TRIP6: variants seen among roughly 807,000 people sequenced by gnomAD.
TRIP6 encodes the protein thyroid receptor-interacting protein 6.
TRIP6 carries 33 observed loss-of-function variants against 51.9 expected under a neutral mutation model. That is an observed-to-expected ratio of 0.64 (90% CI 0.48 to 0.85). The LOEUF (loss-of-function observed/expected upper bound fraction) is 0.85. Among genes scored for constraint, TRIP6 ranks in the 40% least tolerant of loss-of-function variants. TRIP6 has a pLI of 0.00. For synonymous variants in TRIP6, 255 were observed against 275.8 expected (o/e 0.92, Z 0.75); for missense variants, 661 against 652.1 (o/e 1.01, Z -0.15).
chr7:100,867,548 C>T lies in TRIP6; in HGVS notation c.51C>T (p.Ala17=), dbSNP rs1030083169. 3 of 1,535,640 alleles carry T rather than the reference C, an allele frequency of 2.0e-6. No homozygotes were observed. Among genetic ancestry groups the T allele is most frequent in the East Asian group, 2.5e-5 (1 of 40,232 alleles). ...LPPKQPEPAR[A]PQGRAIPRGT... ...CGAAGCAGCCGGAGCCCGCCAGAGC[C>T]CCTCAGGGGAGGGCGATCCCCCGCG... The change falls in exon 1 of 9, where the codon GCC becomes GCT. Residue 17 remains alanine, a synonymous_variant. Transcript: ENST00000200457. The surrounding 1 kb of genome is among the most constrained non-coding windows in gnomAD (Gnocchi z 5.4).
In TRIP6 at chr7:100,867,442, G is replaced by A. The variant is rs1815161717; in HGVS notation, c.-56G>A. Reference sequence around the variant, plus strand: ...CGAGGTGCGGGACGGAAGAGGGGGTGAAGGCCAGAGGCTCGGGGCTTCAAG... The same window carrying A: ...CGAGGTGCGGGACGGAAGAGGGGGTAAAGGCCAGAGGCTCGGGGCTTCAAG... On this transcript the variant is annotated 5_prime_UTR_variant, in exon 1 of 9. Transcript: ENST00000200457. This position sits in a 1 kb window ranked among gnomAD's most constrained non-coding sequence, Gnocchi z 5.4. The A allele has an allele frequency of 1.6e-6, 2 of 1,283,818 alleles. No homozygotes were observed. Among genetic ancestry groups the A allele is most frequent in the East Asian group, 3.1e-5 (1 of 32,680 alleles). 79.5% of individuals were successfully genotyped at this position (1,283,818 alleles called of 1,614,324 possible). A position where few individuals can be genotyped will look rare whatever the true frequency, so the allele number is the denominator to read the frequency against.
rs139351872 is a variant in TRIP6, at chr7:100,868,125, G to A, written c.255G>A (p.Arg85=). The A allele has an allele frequency of 7.8e-5, 126 of 1,612,458 alleles. No individual in the cohort carries two copies. The highest frequency in any genetic ancestry group is 1.0e-4 in the Non-Finnish European group (119 of 1,179,604). ...LQHTQGLPAD[R]GGLRPGSLDA... Reference sequence around the variant, plus strand: ...ATCCTCAGGGGCTCCCTGCAGACAGGGGGGGCCTTCGCCCTGGAAGCCTGG... The same window carrying A: ...ATCCTCAGGGGCTCCCTGCAGACAGAGGGGGCCTTCGCCCTGGAAGCCTGG... Residue 85 remains arginine (R), a synonymous_variant, in exon 3 of 9, where the codon AGG becomes AGA. Coordinates refer to ENST00000200457, the MANE Select transcript of TRIP6 (RefSeq NM_003302.3).
chr7:100,870,521 G>C (rs1393553252), intron 5 of TRIP6, 53 bp from the exon 6 acceptor site: 10 of 1,606,854 alleles, frequency 6.2e-6, no homozygotes, highest in Non-Finnish European at 6.8e-6. Flanking sequence ...AGACAGAGGG[G>C]ACAGTGGCTT....
At chr7:100,872,945 G>A in intron 8 of TRIP6, 1 of 1,088,722 alleles carries the variant, frequency 9.2e-7, no homozygotes, top group Non-Finnish European at 1.3e-6. Context: ...CCACCTCCCG[G>A]GTTCAAGTGA....
intron 3 of TRIP6, 101 bp from the exon 4 acceptor site, chr7:100,868,394 T>C: frequency 6.3e-7 from 1 of 1,590,374 alleles, no homozygotes; most frequent in Non-Finnish European, 8.6e-7. Flanking sequence ...CCTTGTCAAA[T>C]GCAAAAAGCC....
chr7:100,871,027 T>G (rs771727394), intron 6 of TRIP6: 1 of 620,392 alleles, frequency 1.6e-6, no homozygotes, highest in South Asian at 1.5e-5. Context: ...TACTACTGAT[T>G]CCTGGTTTTG....
chr7:100,868,558 C>T lies in TRIP6; in HGVS notation c.427C>T (p.Pro143Ser). The T allele has an allele frequency of 1.2e-6, 2 of 1,613,102 alleles. No individual in the cohort carries two copies. The highest frequency in any genetic ancestry group is 1.7e-6 in the Non-Finnish European group (2 of 1,180,028). ...CTCCCTGAAGCCAAATCCAGCCTCG[C>T]CGCTCCCAGCGTCTCCCTATGGGGG... ...TGSLKPNPAS[P>S]LPASPYGGPT... The change falls in exon 4 of 9, where the codon CCG becomes TCG. Residue 143 changes from proline (P) to serine (S), a missense_variant. Physicochemically the swap from Pro to Ser is moderately conservative, Grantham distance 74. Transcript: ENST00000200457.
At chr7:100,869,593 C>T (rs1206963247) in intron 4 of TRIP6, among the ~76,000 whole-genome samples, 1 of 143,258 alleles carries the variant, frequency 7.0e-6, no homozygotes, top group Non-Finnish European at 1.5e-5. Context: ...GATCGCACCA[C>T]TGCTCTCCAA....
At position 100,867,828 on chromosome 7, in the gene TRIP6, AC is replaced by A. The variant is rs1349248653; in HGVS notation, c.110-29del. On this transcript the variant is annotated intron_variant, in intron 1 of 8. Transcript: ENST00000200457. This position sits in a 1 kb window ranked among gnomAD's most constrained non-coding sequence, Gnocchi z 5.4. The stretch of plus-strand genomic sequence containing the variant: ...ATATACACCCCTCCTGTCCTCCGCC[AC>A]CCCACCTTTGATTTCTCTTCCCTCA... 6.5e-7 allele frequency: 1 copy of A among 1,531,806 alleles called. No individual in the cohort carries two copies. Among genetic ancestry groups the A allele is most frequent in the East Asian group, 2.3e-5 (1 of 42,588 alleles). The allele number at this position is 1,531,806 out of a possible 1,614,324, so 94.9% of individuals were successfully genotyped here. A position where few individuals can be genotyped will look rare whatever the true frequency, so the allele number is the denominator to read the frequency against.
In TRIP6 at chr7:100,868,184, C is replaced by T; in HGVS notation, c.314C>T (p.Ala105Val). Reference protein sequence around the residue: ...AEIDLLSSTLAELNGGRGHAS... With the variant: ...AEIDLLSSTLVELNGGRGHAS... ...ATAGACTTGCTGAGCAGCACGCTGGCCGAGCTGAATGGGGGTCGGGGTCAT... is the reference window on the plus strand; with the variant it reads ...ATAGACTTGCTGAGCAGCACGCTGGTCGAGCTGAATGGGGGTCGGGGTCAT... The change falls in exon 3 of 9, where the codon GCC (alanine) becomes GTC (valine). Residue 105 changes from alanine to valine, a missense_variant. Transcript: ENST00000200457. The T allele has an allele frequency of 6.2e-7, 1 of 1,609,520 alleles. No homozygotes were observed. Among genetic ancestry groups the T allele is most frequent in the South Asian group, 1.1e-5 (1 of 90,706 alleles).
intron 4 of TRIP6, among the ~76,000 whole-genome samples, chr7:100,869,919 TTGTTTCGG>T (rs759124931): frequency 2.5e-4 from 38 of 151,742 alleles, no homozygotes; most frequent in Non-Finnish European, 5.0e-4. Flanking sequence ...GTATATATAA[TTGTTTCGG>T]TATATATTAC....
At position 100,868,554 on chromosome 7, in the gene TRIP6, C is replaced by T. The variant is rs778998019; in HGVS notation, c.423C>T (p.Ala141=). 3.1e-6 allele frequency: 5 copies of T among 1,612,996 alleles called. No individual in the cohort carries two copies. In the Admixed American group the frequency reaches 8.3e-5, roughly 27 times the overall value. The change falls in exon 4 of 9, where the codon GCC becomes GCT. Residue 141 remains alanine (A), a synonymous_variant. Coordinates refer to ENST00000200457, the MANE Select transcript of TRIP6 (RefSeq NM_003302.3). ...CGGGCTCCCTGAAGCCAAATCCAGC[C>T]TCGCCGCTCCCAGCGTCTCCCTATG... ...YRTGSLKPNP[A]SPLPASPYGG...
chr7:100,868,165 T>G lies in TRIP6; in HGVS notation c.295T>G (p.Leu99Val). The change falls in exon 3 of 9, where the codon TTG (leucine) becomes GTG (valine). Residue 99 changes from leucine (L) to valine (V), a missense_variant. Transcript: ENST00000200457. ...TGGAAGCCTGGACGCCGAGATAGAC[T>G]TGCTGAGCAGCACGCTGGCCGAGCT... ...RPGSLDAEID[L>V]LSSTLAELNG... 1 of 1,611,074 alleles carries G rather than the reference T, an allele frequency of 6.2e-7. No individual in the cohort carries two copies. Among genetic ancestry groups the G allele is most frequent in the South Asian group, 1.1e-5 (1 of 90,854 alleles).
intron 3 of TRIP6, 74 bp downstream of exon 3, chr7:100,868,307 C>A: frequency 6.4e-7 from 1 of 1,573,222 alleles, no homozygotes; most frequent in South Asian, 1.1e-5. Flanking sequence ...GATCGATCCC[C>A]CATGTGTGTA....
intron 8 of TRIP6, 44 bp from the exon 9 acceptor site, chr7:100,873,128 C>A (rs368494717): frequency 3.8e-5 from 60 of 1,594,326 alleles, no homozygotes; most frequent in Non-Finnish European, 5.1e-5. Context: ...GGATTACAGG[C>A]GTGAGCCATC....
chr7:100,870,999 C>T (rs1050910803), intron 6 of TRIP6: 2 of 663,990 alleles, frequency 3.0e-6, no homozygotes, highest in East Asian at 3.0e-5. Flanking sequence ...TCCCATGACA[C>T]CCCTGTGAGG....
chr7:100,873,242 G>T lies in TRIP6; in HGVS notation c.1370G>T (p.Cys457Phe). The change falls in exon 9 of 9, where the codon TGC (cysteine) becomes TTC (phenylalanine). Residue 457 changes from cysteine (C) to phenylalanine (F), a missense_variant. By Grantham distance (205) the Cys-to-Phe change is radical. Transcript: ENST00000200457. Reference sequence around the variant, plus strand: ...TACCCGCTGGATGGGCACATCTTGTGCAAGGCCTGCAGCGCCTGGCGCATC... The same window carrying T: ...TACCCGCTGGATGGGCACATCTTGTTCAAGGCCTGCAGCGCCTGGCGCATC... The part of the protein sequence containing the change: ...GCYPLDGHIL[C>F]KACSAWRIQE... 6.2e-7 allele frequency: 1 copy of T among 1,613,744 alleles called. No homozygotes were observed. Among genetic ancestry groups the T allele is most frequent in the Non-Finnish European group, 8.5e-7 (1 of 1,179,754 alleles).
At chr7:100,871,786 G>A in intron 7 of TRIP6, 65 bp downstream of exon 7, 2 of 1,556,072 alleles carry the variant, frequency 1.3e-6, no homozygotes, top group South Asian at 2.3e-5. Flanking sequence ...ATCTCTTCAT[G>A]CCCCAGGACT....
At chr7:100,868,320 G>A in intron 3 of TRIP6, 87 bp downstream of exon 3, 1 of 1,569,986 alleles carries the variant, frequency 6.4e-7, no homozygotes, top group Non-Finnish European at 8.6e-7. Flanking sequence ...TGTGTGTAAT[G>A]TGCACCCCAG....
Sources: allele counts gnomAD v4.1 joint callset (sites outside exome capture counted in the v4.1 genomes callset), GRCh38; gene constraint gnomAD v4.1.1; non-coding constraint Gnocchi (gnomAD v3.1); transcripts MANE v1.5; gene names NCBI Gene and HGNC (gene_info 2026-07-23, HGNC 2026-07-21).